The following RYR3 variants were observed in gnomAD, a reference collection of about 807,000 sequenced individuals.
RYR3 encodes the protein brain ryanodine receptor-calcium release channel.
A neutral mutation model predicts 584.3 loss-of-function variants in RYR3; 207 were observed. The observed-to-expected ratio is 0.35, with a 90% confidence interval of 0.32 to 0.40. RYR3 has a LOEUF of 0.40. Among genes scored for constraint, RYR3 ranks in the 10% least tolerant of loss-of-function variants. The pLI, the probability that RYR3 is intolerant of heterozygous loss-of-function variation, is 1.00. For synonymous variants in RYR3, 2,416 were observed against 2,248.5 expected (o/e 1.07, Z -2.11); for missense variants, 5,616 against 6,089.2 (o/e 0.92, Z 2.59).
intron 96 of RYR3, among the ~76,000 whole-genome samples, chr15:33,853,995 C>T (rs1463953626): frequency 6.6e-6 from 1 of 151,964 alleles, no homozygotes; most frequent in Non-Finnish European, 1.5e-5. Flanking sequence ...AGTTCGATAC[C>T]AGCCTGGCCA....
In RYR3 at chr15:33,629,980, A is replaced by C. The variant is rs990038256; in HGVS notation, c.2720A>C (p.Glu907Ala). Residue 907 changes from glutamate (E) to alanine (A), a missense_variant, in exon 22 of 104, where the codon GAG becomes GCG. Physicochemically the swap from Glu to Ala is moderately radical, Grantham distance 107 (BLOSUM62 -1). Transcript: ENST00000634891. ...DNKRQHPCLV[E>A]FSKLPETEKN... ...AAAAGACAACACCCTTGCCTTGTGG[A>C]GTTTTCAAAGCTCCCAGAAACTGAG... 1.2e-6 allele frequency: 2 copies of C among 1,607,336 alleles called. No homozygotes were observed. Among genetic ancestry groups the C allele is most frequent in the South Asian group, 1.1e-5 (1 of 88,940 alleles).
At chr15:33,826,825 C>A in intron 84 of RYR3, 73 bp downstream of exon 84, 1 of 1,024,106 alleles carries the variant, frequency 9.8e-7, no homozygotes, top group Non-Finnish European at 1.5e-6. Flanking sequence ...CAGTATGCCC[C>A]ATTTGATGCA....
rs2069448961 is a variant in RYR3 at position 33,736,236 on chromosome 15, C to T, written c.7426C>T (p.His2476Tyr). ...TACGTTTGTCATTTCATACTGCAGTCACTTGAGGCCTTCCATGTTACAGCA... is the reference window on the plus strand; with the variant it reads ...TACGTTTGTCATTTCATACTGCAGTTACTTGAGGCCTTCCATGTTACAGCA... ...IEECLLAICN[H>Y]LRPSMLQQLL... Residue 2476 changes from histidine (H) to tyrosine (Y), a missense_variant and splice_region_variant, in exon 49 of 104, where the codon CAC becomes TAC. By Grantham distance (83) the His-to-Tyr change is moderately conservative. Coordinates refer to ENST00000634891, the MANE Select transcript of RYR3 (RefSeq NM_001036.6). The T allele has an allele frequency of 1.9e-6, 3 of 1,602,470 alleles. No individual in the cohort carries two copies. The highest frequency in any genetic ancestry group is 1.7e-5 in the Admixed American group (1 of 59,920).
intron 97 of RYR3, 35 bp downstream of exon 97, chr15:33,854,484 C>T (rs757433632): frequency 1.1e-5 from 17 of 1,512,708 alleles, no homozygotes; most frequent in Non-Finnish European, 1.5e-5. Context: ...AAATTCTATA[C>T]CCCAGTTCAG....
intron 1 of RYR3, among the ~76,000 whole-genome samples, chr15:33,321,351 C>T (rs1311379573): frequency 6.6e-6 from 1 of 152,238 alleles, no homozygotes; most frequent in Non-Finnish European, 1.5e-5. Flanking sequence ...ACTGCCCTCT[C>T]CCCTGAGAGG....
At chr15:33,857,941 GCCCACCCACTGCGGGGCCAC>G (rs765511250) in intron 99 of RYR3, 27 bp downstream of exon 99, 57 of 1,439,878 alleles carry the variant, frequency 4.0e-5, no homozygotes, top group Middle Eastern at 3.8e-4. Flanking sequence ...TGCGGGGCCA[GCCCACCCACTGCGGGGCCAC>G]CCCGCCCCAC....
intron 1 of RYR3, among the ~76,000 whole-genome samples, chr15:33,334,139 T>G (rs1424484439): frequency 9.2e-5 from 14 of 152,220 alleles, no homozygotes; most frequent in Admixed American, 8.5e-4. Context: ...GCTAGCCTCA[T>G]TAAACTACCA....
At chr15:33,555,191 C>T (rs2056987343) in intron 10 of RYR3, among the ~76,000 whole-genome samples, 1 of 152,170 alleles carries the variant, frequency 6.6e-6, no homozygotes, top group Non-Finnish European at 1.5e-5. Flanking sequence ...TTCACATGCC[C>T]TTTAACCTTT....
At position 33,474,682 on chromosome 15, in the gene RYR3, G is replaced by T. The variant is rs115696433; in HGVS notation, c.171+1144G>T. Among the ~76,000 whole-genome samples, 779 of 152,194 alleles carry T rather than the reference G, an allele frequency of 5.1e-3. 8 individuals are homozygous for T. The highest frequency in any genetic ancestry group is 0.018 in the African/African-American group (743 of 41,524). ...CCCTCTAAGCTCAGTTTTTCTCACA[G>T]AACCTTTTTTAAAAAAACCGAAAAC... On this transcript the variant is annotated intron_variant, in intron 2 of 103. Coordinates refer to ENST00000634891, the MANE Select transcript of RYR3 (RefSeq NM_001036.6).
Position 33,628,578 on chromosome 15 carries a change from A to G in RYR3, c.2679+3A>G, listed in dbSNP as rs774928735. 53 of 1,598,138 alleles carry G rather than the reference A, an allele frequency of 3.3e-5. No individual in the cohort carries two copies. The highest frequency in any genetic ancestry group is 1.5e-4 in the South Asian group (14 of 90,732). ...AACTTGGCTGGACTTTCGGCAAGGT[A>G]TGTGTCTCAGGGCCAGGTTAGGGTG... On this transcript the variant is annotated splice_donor_region_variant and intron_variant, in intron 21 of 103. Transcript: ENST00000634891.
chr15:33,490,735 T>C (rs1408107837), intron 2 of RYR3, among the ~76,000 whole-genome samples: 1 of 124,508 alleles, frequency 8.0e-6, no homozygotes, highest in East Asian at 2.2e-4. Context: ...TAAAGAGTAT[T>C]ACTCTTGTTA....
At chr15:33,513,084 T>A (rs1467752102) in intron 3 of RYR3, among the ~76,000 whole-genome samples, 1 of 152,244 alleles carries the variant, frequency 6.6e-6, no homozygotes, top group African/African-American at 2.4e-5. Context: ...GAAACCTGCT[T>A]ACTTTTTGAA....
chr15:33,547,526 C>T (rs2056337457), intron 8 of RYR3, among the ~76,000 whole-genome samples: 1 of 152,084 alleles, frequency 6.6e-6, no homozygotes, highest in Non-Finnish European at 1.5e-5. Context: ...TCTTTAGTAA[C>T]TGTTTGATAA....
rs1432100648 is a variant in RYR3 at position 33,390,687 on chromosome 15, T to A, written c.51+79591T>A. 6.6e-6 allele frequency among the ~76,000 whole-genome samples: 1 copy of A among 152,180 alleles called. No individual in the cohort carries two copies. The highest frequency in any genetic ancestry group is 6.5e-5 in the Admixed American group (1 of 15,282). On this transcript the variant is annotated intron_variant, in intron 1 of 103. Coordinates refer to ENST00000634891, the MANE Select transcript of RYR3 (RefSeq NM_001036.6). The surrounding 1 kb of genome is among the most constrained non-coding windows in gnomAD (Gnocchi z 4.2). Reference sequence around the variant, plus strand: ...TCTAAGAAATCAGAGTGGTTCACTCTGCGTAGATTGTTTGCACAAACAATG... The same window carrying A: ...TCTAAGAAATCAGAGTGGTTCACTCAGCGTAGATTGTTTGCACAAACAATG...
intron 16 of RYR3, among the ~76,000 whole-genome samples, chr15:33,598,091 T>C (rs974037374): frequency 9.9e-5 from 15 of 151,736 alleles, no homozygotes; most frequent in African/African-American, 3.6e-4. Context: ...AGGGAGACAC[T>C]GTTATTTTTC....
intron 1 of RYR3, among the ~76,000 whole-genome samples, chr15:33,338,968 A>T (rs1048151143): frequency 4.6e-5 from 7 of 152,366 alleles, no homozygotes; most frequent in Admixed American, 3.3e-4. Context: ...ACAAAACTGC[A>T]CATTAAGGAT....
rs140599566 is a variant in RYR3, at chr15:33,417,619, T to C, written c.52-55800T>C. On this transcript the variant is annotated intron_variant, in intron 1 of 103. Coordinates refer to ENST00000634891, the MANE Select transcript of RYR3 (RefSeq NM_001036.6). ...AGGATTTTCTAGGTATAGAATCATG[T>C]CCTCAGTGAAGAGAGATAATTTGAC... 2.3e-3 allele frequency among the ~76,000 whole-genome samples: 343 copies of C among 152,310 alleles called. 1 individual carries two copies. The highest frequency in any genetic ancestry group is 7.9e-3 in the African/African-American group (329 of 41,564).
At chr15:33,542,060 G>A (rs1262845876) in intron 7 of RYR3, among the ~76,000 whole-genome samples, 1 of 152,146 alleles carries the variant, frequency 6.6e-6, no homozygotes, top group African/African-American at 2.4e-5. Context: ...CATGTCAAAA[G>A]GTCCTTATAG....
Position 33,437,117 on chromosome 15 carries a change from A to AGTGTGTGTGT in RYR3, c.52-36272_52-36263dup, listed in dbSNP as rs71415518. 8.7e-5 allele frequency among the ~76,000 whole-genome samples: 13 copies of AGTGTGTGTGT among 149,572 alleles called. No homozygotes were observed. The East Asian group carries it at 1.4e-3, about 16-fold the overall frequency. On this transcript the variant is annotated intron_variant, in intron 1 of 103. Coordinates refer to ENST00000634891, the MANE Select transcript of RYR3 (RefSeq NM_001036.6). Reference sequence around the variant, plus strand: ...GAGTGTGTGTGAGAGAGAGAGATAGAGTGTGTGTGTGTGTGTGTGTGTGTG... The same window carrying AGTGTGTGTGT: ...GAGTGTGTGTGAGAGAGAGAGATAGAGTGTGTGTGTGTGTGTGTGTGTGTGTGTGTGTGTG...
Sources: gnomAD v4.1 joint callset for allele counts (sites outside exome capture counted in the v4.1 genomes callset) on GRCh38, gnomAD v4.1.1 for gene constraint, Gnocchi (gnomAD v3.1) non-coding constraint, MANE v1.5 for transcripts, NCBI Gene and HGNC (gene_info 2026-07-23, HGNC 2026-07-21) for gene names.